Variants in RBPMS observed in about 807,000 individuals in gnomAD.
The protein encoded by RBPMS is RNA binding protein, mRNA processing factor, also known as RNA-binding protein with multiple splicing.
Under a neutral mutation model 26.8 loss-of-function variants are expected in RBPMS, and 7 were observed. The ratio of observed to expected loss-of-function variants is 0.26; its 90% CI spans 0.15 to 0.49. RBPMS has a LOEUF of 0.49. Among genes scored for constraint, RBPMS ranks in the 20% least tolerant of loss-of-function variants. RBPMS has a pLI of 0.98. For synonymous variants in RBPMS, 96 were observed against 93.3 expected (o/e 1.03, Z -0.17); for missense variants, 186 against 250.0 (o/e 0.74, Z 1.73).
chr8:30,509,129 G>A (rs1050424327), intron 5 of RBPMS, among the ~76,000 whole-genome samples: 1 of 152,136 alleles, frequency 6.6e-6, no homozygotes, highest in African/African-American at 2.4e-5. Context: ...GCTTTTAAAA[G>A]CTCTTTGGGT....
At chr8:30,559,477 T>G (rs556996746) in intron 7 of RBPMS, among the ~76,000 whole-genome samples, 17 of 152,376 alleles carry the variant, frequency 1.1e-4, no homozygotes, top group African/African-American at 4.1e-4. Context: ...GTTTTCATCA[T>G]GAAGGAAGCA....
In RBPMS at chr8:30,519,640, C is replaced by T. The variant is rs7844983; in HGVS notation, c.397+15204C>T. 3.9e-3 allele frequency among the ~76,000 whole-genome samples: 587 copies of T among 151,936 alleles called. 7 individuals carry two copies. The highest frequency in any genetic ancestry group is 0.014 in the African/African-American group (560 of 41,470). The stretch of plus-strand genomic sequence containing the variant: ...CTGGGACTATAGGCGCCCACCACTG[C>T]GCCCGGCTAATATTTTTATTTTTAT... On this transcript the variant is annotated intron_variant, in intron 5 of 8. Coordinates refer to ENST00000397323, the MANE Select transcript of RBPMS (RefSeq NM_001008710.3).
At chr8:30,435,988 A>G (rs901380615) in intron 1 of RBPMS, among the ~76,000 whole-genome samples, 11 of 152,116 alleles carry the variant, frequency 7.2e-5, no homozygotes, top group Non-Finnish European at 1.6e-4. Flanking sequence ...GATTATTTAA[A>G]TTAGGACTAT....
At chr8:30,421,665 C>G (rs914743431) in intron 1 of RBPMS, among the ~76,000 whole-genome samples, 9 of 152,158 alleles carry the variant, frequency 5.9e-5, no homozygotes, top group African/African-American at 2.2e-4. Context: ...GTTAAAAAGG[C>G]TGTTTTACTG....
intron 1 of RBPMS, among the ~76,000 whole-genome samples, chr8:30,389,754 A>G (rs1239613569): frequency 6.6e-6 from 1 of 152,172 alleles, no homozygotes; most frequent in African/African-American, 2.4e-5. Context: ...CAACCACTAA[A>G]GGCTCCGTTT....
chr8:30,445,649 G>GATATATAT (rs59580323), intron 1 of RBPMS, among the ~76,000 whole-genome samples: 3,792 of 107,238 alleles, frequency 0.035, 251 homozygotes, highest in Non-Finnish European at 0.043. Flanking sequence ...TATACACACG[G>GATATATAT]ATATATATAT....
chr8:30,462,125 G>A (rs551775451), intron 1 of RBPMS, among the ~76,000 whole-genome samples: 2 of 152,152 alleles, frequency 1.3e-5, no homozygotes, highest in East Asian at 3.9e-4. Flanking sequence ...TATTTCTTTG[G>A]AATAGGTGCC....
intron 5 of RBPMS, among the ~76,000 whole-genome samples, chr8:30,511,588 GAT>G (rs1363863456): frequency 7.2e-6 from 1 of 139,746 alleles, no homozygotes; most frequent in African/African-American, 2.7e-5. Context: ...TATGTGTATA[GAT>G]ATATATATTT....
intron 6 of RBPMS, chr8:30,558,642 C>T (rs576566596): frequency 4.3e-5 from 25 of 586,626 alleles, no homozygotes; most frequent in South Asian, 3.3e-4. Flanking sequence ...GGTGGAACCT[C>T]GGGCACTTCT....
chr8:30,488,928 A>G (rs1052826098), intron 4 of RBPMS, among the ~76,000 whole-genome samples: 10 of 152,168 alleles, frequency 6.6e-5, no homozygotes, highest in African/African-American at 2.2e-4. Flanking sequence ...AGGCCCTGCC[A>G]CTTTACTGAT....
chr8:30,569,915 G>A lies in RBPMS; in HGVS notation c.*112-722G>A, dbSNP rs139082057. Among the ~76,000 whole-genome samples the A allele has an allele frequency of 1.1e-4, 17 of 152,278 alleles. No individual in the cohort carries two copies. The East Asian group carries it at 2.3e-3, about 21-fold the overall frequency. ...AGAGACAGGCAAGTATTAGTCGCCC[G>A]TCACAGAGAAGGTCCAGGGTGTCCA... On this transcript the variant is annotated intron_variant, in intron 8 of 8. Transcript: ENST00000397323.
intron 4 of RBPMS, among the ~76,000 whole-genome samples, chr8:30,489,412 A>G (rs1819136101): frequency 2.0e-5 from 3 of 152,212 alleles, no homozygotes; most frequent in African/African-American, 7.2e-5. Context: ...AATGATAATG[A>G]CAACCTTCAC....
At chr8:30,545,249 T>A in intron 6 of RBPMS, 14 of 1,230,296 alleles carry the variant, frequency 1.1e-5, no homozygotes, top group Non-Finnish European at 1.4e-5. Context: ...ACCAGCTTTC[T>A]TTCTTAGTTA....
intron 5 of RBPMS, among the ~76,000 whole-genome samples, chr8:30,524,766 A>G (rs1823406311): frequency 6.6e-6 from 1 of 152,182 alleles, no homozygotes; most frequent in African/African-American, 2.4e-5. Flanking sequence ...TAGATCTACT[A>G]ATTCATTCCC....
intron 6 of RBPMS, chr8:30,558,574 C>T (rs1399615877): frequency 8.4e-6 from 4 of 473,766 alleles, no homozygotes; most frequent in Admixed American, 3.3e-5. Flanking sequence ...TTCGCTGTGC[C>T]GGATCTTAGC....
At chr8:30,443,253 A>T (rs1813331711) in intron 1 of RBPMS, among the ~76,000 whole-genome samples, 2 of 152,190 alleles carry the variant, frequency 1.3e-5, no homozygotes, top group Admixed American at 1.3e-4. Context: ...TTTTTCTCTG[A>T]AGACTATTTT....
At chr8:30,545,469 C>A in intron 6 of RBPMS, 1 of 991,496 alleles carries the variant, frequency 1.0e-6, no homozygotes, top group Non-Finnish European at 1.2e-6. Context: ...ATAGAAAGTA[C>A]GTACGTAGGT....
At chr8:30,554,771 C>T (rs944636149) in intron 6 of RBPMS, among the ~76,000 whole-genome samples, 13 of 152,190 alleles carry the variant, frequency 8.5e-5, no homozygotes, top group African/African-American at 3.1e-4. Context: ...GAGAAGAAAA[C>T]AGTCCAACCA....
chr8:30,447,075 A>T (rs1416280300), intron 1 of RBPMS: 2 of 152,236 alleles, frequency 1.3e-5, no homozygotes, highest in East Asian at 3.9e-4. Context: ...TCTCTTTTCA[A>T]GGCACCACCT....
Sources: allele counts gnomAD v4.1 joint callset (sites outside exome capture counted in the v4.1 genomes callset), GRCh38; gene constraint gnomAD v4.1.1; transcripts MANE v1.5; gene names NCBI Gene and HGNC (gene_info 2026-07-23, HGNC 2026-07-21).